SLC27A6: variants seen among roughly 807,000 people sequenced by gnomAD.
SLC27A6 encodes solute carrier family 27 member 6.
SLC27A6 carries 74 observed loss-of-function variants against 63.9 expected under a neutral mutation model. That is an observed-to-expected ratio of 1.16 (90% CI 0.96 to 1.40). The LOEUF (loss-of-function observed/expected upper bound fraction) is 1.40. Among genes scored for constraint, SLC27A6 ranks in the 40% most tolerant of loss-of-function variants. The probability of loss-of-function intolerance (pLI) is 0.00; values close to 1 mark genes in which losing one functional copy is unlikely to be tolerated. For missense variants in SLC27A6, 794 were observed against 732.9 expected, an observed-to-expected ratio of 1.08 and a Z score of -0.96; for synonymous variants, 287 against 260.8, an observed-to-expected ratio of 1.10 and a Z score of -0.97.
At chr5:128,993,147 C>T (rs1253927517) in intron 4 of SLC27A6, among the ~76,000 whole-genome samples, 4 of 151,904 alleles carry the variant, frequency 2.6e-5, no homozygotes, top group Non-Finnish European at 4.4e-5. Context: ...TTTAGAAGCT[C>T]ATGCACATTG....
chr5:129,029,556 C>G, intron 8 of SLC27A6, 21 bp from the exon 9 acceptor site: 2 of 1,526,148 alleles, frequency 1.3e-6, no homozygotes, highest in Non-Finnish European at 1.8e-6. Context: ...AAAAATGACT[C>G]TATTTCAAAC....
In SLC27A6 at chr5:129,027,332, G is replaced by T; in HGVS notation, c.1454+1G>T. On this transcript the variant is annotated splice_donor_variant, in intron 7 of 9. Coordinates refer to ENST00000262462, the MANE Select transcript of SLC27A6 (RefSeq NM_001017372.3). LOFTEE classifies it high-confidence loss of function. Reference sequence around the variant, plus strand: ...GGGACCGTACTGGAGACACTTTCAGGTATGAAATGTTATGGGATCCATAGC... The same window carrying T: ...GGGACCGTACTGGAGACACTTTCAGTTATGAAATGTTATGGGATCCATAGC... 1.2e-6 allele frequency: 2 copies of T among 1,604,842 alleles called. No individual in the cohort carries two copies. The highest frequency in any genetic ancestry group is 8.5e-7 in the Non-Finnish European group (1 of 1,172,880).
chr5:129,007,105 T>G (rs1331929740), intron 4 of SLC27A6, among the ~76,000 whole-genome samples: 1 of 152,146 alleles, frequency 6.6e-6, no homozygotes, highest in African/African-American at 2.4e-5. Context: ...TTAAATCACA[T>G]ATTAATTTGA....
chr5:128,975,816 G>A (rs1750357059), intron 1 of SLC27A6, among the ~76,000 whole-genome samples: 1 of 152,062 alleles, frequency 6.6e-6, no homozygotes, highest in Admixed American at 6.5e-5. Context: ...CAGTATTCAA[G>A]CATCATTCCC....
intron 5 of SLC27A6, among the ~76,000 whole-genome samples, chr5:129,023,385 A>C (rs1238848118): frequency 6.6e-6 from 1 of 152,270 alleles, no homozygotes; most frequent in Non-Finnish European, 1.5e-5. Context: ...AGTGTACCAC[A>C]AAAGAAATGA....
rs1163394662 is a variant in SLC27A6 at position 128,966,512 on chromosome 5, CGCCAA to C, written c.378_382del (p.Lys127GlyfsTer74). 4 of 1,606,668 alleles carry C rather than the reference CGCCAA, an allele frequency of 2.5e-6. No individual in the cohort carries two copies. In the East Asian group the frequency reaches 6.7e-5, roughly 27 times the overall value. ...ACTTCGTTCACGTGTGGTTCGGCCT[CGCCAA>C]GCTGGGCTGCGTGGTGGCCTTTCTC... is the stretch of plus-strand genomic sequence containing the variant. On this transcript the variant is annotated frameshift_variant, in exon 1 of 10. Coordinates refer to ENST00000262462, the MANE Select transcript of SLC27A6 (RefSeq NM_001017372.3). LOFTEE classifies it high-confidence loss of function.
At chr5:128,999,425 A>C (rs184092355) in intron 4 of SLC27A6, among the ~76,000 whole-genome samples, 57 of 152,108 alleles carry the variant, frequency 3.7e-4, no homozygotes, top group Non-Finnish European at 6.3e-4. Flanking sequence ...ACTCACTCTC[A>C]AACCTTTACT....
At chr5:128,987,548 T>A (rs955765260) in intron 2 of SLC27A6, among the ~76,000 whole-genome samples, 2 of 151,860 alleles carry the variant, frequency 1.3e-5, no homozygotes, top group Non-Finnish European at 2.9e-5. Context: ...AGAGGAGAAA[T>A]TTTCAAAAAA....
chr5:129,022,077 C>A lies in SLC27A6; in HGVS notation c.1165-1543C>A, dbSNP rs555144228. On this transcript the variant is annotated intron_variant, in intron 5 of 9. Transcript: ENST00000262462. ...TAAAGGCAGTCCCGGAACTTCTGGA[C>A]TCTTTCTTTCTACTAGCCATTAGGC... Among the ~76,000 whole-genome samples the A allele has an allele frequency of 3.3e-5, 5 of 152,282 alleles. No homozygotes were observed. In the South Asian group the frequency reaches 6.2e-4, roughly 19 times the overall value.
intron 1 of SLC27A6, among the ~76,000 whole-genome samples, chr5:128,968,907 T>G (rs6863819): frequency 0.24 from 37,020 of 152,210 alleles, 5,194 homozygotes; most frequent in Non-Finnish European, 0.31. Flanking sequence ...GTCTAACATT[T>G]AAGTCTTTAA....
At chr5:128,997,965 G>A (rs17699621) in intron 4 of SLC27A6, among the ~76,000 whole-genome samples, 34,972 of 151,916 alleles carry the variant, frequency 0.23, 5,141 homozygotes, top group East Asian at 0.7. Flanking sequence ...CAAGGAAGCC[G>A]AATACAAATG....
chr5:129,007,421 C>A (rs552219617), intron 4 of SLC27A6, among the ~76,000 whole-genome samples: 4 of 126,324 alleles, frequency 3.2e-5, no homozygotes, highest in African/African-American at 1.2e-4. Context: ...CCAGCCTGGG[C>A]GACAGAGCGA....
intron 1 of SLC27A6, among the ~76,000 whole-genome samples, chr5:128,969,871 G>T (rs1750070871): frequency 6.6e-6 from 1 of 152,114 alleles, no homozygotes; most frequent in Non-Finnish European, 1.5e-5. Flanking sequence ...TCCAGTCTTT[G>T]CCCATTCAGT....
At chr5:129,012,895 T>A (rs2150148344) in intron 4 of SLC27A6, among the ~76,000 whole-genome samples, 1 of 149,298 alleles carries the variant, frequency 6.7e-6, no homozygotes. Flanking sequence ...ATTCTAAAAG[T>A]TTTTTTTTCC....
intron 4 of SLC27A6, among the ~76,000 whole-genome samples, chr5:129,007,352 A>T (rs75825562): frequency 2.1e-4 from 32 of 151,314 alleles, no homozygotes; most frequent in African/African-American, 6.8e-4. Flanking sequence ...GCTGGAGCAG[A>T]TAATTGCTTA....
chr5:129,025,415 G>C (rs1443108025), intron 6 of SLC27A6, among the ~76,000 whole-genome samples: 3 of 151,990 alleles, frequency 2.0e-5, no homozygotes, highest in African/African-American at 7.2e-5. Context: ...ATATATCACA[G>C]AGGTAAGGCT....
In SLC27A6 at chr5:128,983,475, A is replaced by G. The variant is rs190818808; in HGVS notation, c.482-1658A>G. On this transcript the variant is annotated intron_variant, in intron 1 of 9. Coordinates refer to ENST00000262462, the MANE Select transcript of SLC27A6 (RefSeq NM_001017372.3). Reference sequence around the variant, plus strand: ...ACCTGGCTATTTTTTTTGTATTCTTAGTAGAGATGGGGTTTCACCATGTTG... The same window carrying G: ...ACCTGGCTATTTTTTTTGTATTCTTGGTAGAGATGGGGTTTCACCATGTTG... Among the ~76,000 whole-genome samples the G allele has an allele frequency of 2.7e-3, 408 of 151,740 alleles. 2 individuals are homozygous for G. The highest frequency in any genetic ancestry group is 9.0e-3 in the African/African-American group (371 of 41,396).
chr5:128,971,628 A>G (rs1407102658), intron 1 of SLC27A6, among the ~76,000 whole-genome samples: 1 of 151,058 alleles, frequency 6.6e-6, no homozygotes, highest in African/African-American at 2.4e-5. Flanking sequence ...GTCTTCCTGC[A>G]TCCCTTTATT....
chr5:128,994,284 A>G (rs1030070962), intron 4 of SLC27A6, among the ~76,000 whole-genome samples: 1 of 152,230 alleles, frequency 6.6e-6, no homozygotes, highest in African/African-American at 2.4e-5. Context: ...AGGAGGAAAG[A>G]AGGAAATAAA....
Sources: gnomAD v4.1 joint callset for allele counts (sites outside exome capture counted in the v4.1 genomes callset) on GRCh38, gnomAD v4.1.1 for gene constraint, MANE v1.5 for transcripts, NCBI Gene and HGNC (gene_info 2026-07-23, HGNC 2026-07-21) for gene names.